Variants in PTPRD observed in about 807,000 individuals in gnomAD.
PTPRD encodes the protein receptor-type tyrosine-protein phosphatase delta.
PTPRD carries 34 observed loss-of-function variants against 214.5 expected under a neutral mutation model. The observed-to-expected ratio is 0.16, with a 90% CI of 0.12 to 0.21. The LOEUF is 0.21. Ranked by LOEUF, PTPRD falls within the 10% of genes least tolerant of loss-of-function variation. The pLI, the probability that PTPRD is intolerant of heterozygous loss-of-function variation, is 1.00. For missense variants in PTPRD, 2,545 were observed against 2,398.7 expected, an observed-to-expected ratio of 1.06 and a Z score of -1.27; for synonymous variants, 1,128 against 845.7, an observed-to-expected ratio of 1.33 and a Z score of -5.79.
intron 3 of PTPRD, among the ~76,000 whole-genome samples, chr9:10,170,627 C>A (rs1363641295): frequency 6.6e-6 from 1 of 152,102 alleles, no homozygotes; most frequent in Non-Finnish European, 1.5e-5. Context: ...GCGGAGCTTG[C>A]AGTGAGTCGA....
intron 5 of PTPRD, among the ~76,000 whole-genome samples, chr9:9,782,858 G>C (rs2098866118): frequency 6.6e-6 from 1 of 152,096 alleles, no homozygotes; most frequent in Non-Finnish European, 1.5e-5. Flanking sequence ...TTTTGTGATT[G>C]GATACATCTG....
intron 35 of PTPRD, among the ~76,000 whole-genome samples, chr9:8,423,527 A>G (rs746944057): frequency 4.6e-5 from 7 of 152,194 alleles, no homozygotes; most frequent in Non-Finnish European, 8.8e-5. Flanking sequence ...TTAAAGGTGA[A>G]TATTACTATG....
chr9:9,508,644 C>G (rs545168155), intron 8 of PTPRD, among the ~76,000 whole-genome samples: 1 of 151,704 alleles, frequency 6.6e-6, no homozygotes, highest in Admixed American at 6.6e-5. Flanking sequence ...GCTTCTTTCT[C>G]CACTACATTT....
intron 3 of PTPRD, among the ~76,000 whole-genome samples, chr9:10,079,205 A>C (rs1273179600): frequency 6.6e-6 from 1 of 151,974 alleles, no homozygotes; most frequent in East Asian, 1.9e-4. Context: ...TCCGAACTCC[A>C]TGTTTCCAGG....
intron 3 of PTPRD, among the ~76,000 whole-genome samples, chr9:10,164,160 T>G (rs2154291572): frequency 6.6e-6 from 1 of 151,582 alleles, no homozygotes; most frequent in East Asian, 1.9e-4. Flanking sequence ...TTTAATAACC[T>G]TGAGGGATTA....
chr9:10,137,542 G>A lies in PTPRD; in HGVS notation c.-544-103752C>T, dbSNP rs2098950602. 2.5e-5 allele frequency among the ~76,000 whole-genome samples: 2 copies of A among 81,618 alleles called. 1 individual carries two copies. The highest frequency in any genetic ancestry group is 1.1e-4 in the African/African-American group (2 of 18,838). 53.5% of individuals were successfully genotyped at this position (81,618 alleles called of 152,430 possible). A position where few individuals can be genotyped will look rare whatever the true frequency, so the allele number is the denominator to read the frequency against. On this transcript the variant is annotated intron_variant, in intron 3 of 45. Coordinates refer to ENST00000381196, the MANE Select transcript of PTPRD (RefSeq NM_002839.4). Reference sequence around the variant, plus strand: ...CAGGAAGGGGAATATCACACTCTGGGGACTGTGGTGGCGTCGGGGGAGGGG... The same window carrying A: ...CAGGAAGGGGAATATCACACTCTGGAGACTGTGGTGGCGTCGGGGGAGGGG...
intron 11 of PTPRD, chr9:8,962,329 C>G (rs1053269491): frequency 6.6e-6 from 1 of 152,126 alleles, no homozygotes; most frequent in Non-Finnish European, 1.5e-5. Context: ...ACAACCCTGA[C>G]AGAGAAAGCA....
At chr9:8,631,633 A>C (rs2096255187) in intron 14 of PTPRD, among the ~76,000 whole-genome samples, 1 of 151,800 alleles carries the variant, frequency 6.6e-6, no homozygotes, top group Non-Finnish European at 1.5e-5. Context: ...TGGAAATCTC[A>C]CTTGTATGCA....
intron 11 of PTPRD, among the ~76,000 whole-genome samples, chr9:8,836,456 T>G (rs984048765): frequency 7.9e-5 from 12 of 152,072 alleles, no homozygotes; most frequent in African/African-American, 2.9e-4. Context: ...ACTCGACAAC[T>G]GATTATATTC....
intron 39 of PTPRD, among the ~76,000 whole-genome samples, chr9:8,364,004 C>T: frequency 6.6e-6 from 1 of 152,168 alleles, no homozygotes; most frequent in South Asian, 2.1e-4. Flanking sequence ...GTTATCAAGG[C>T]AAAGGGTTTG....
intron 11 of PTPRD, among the ~76,000 whole-genome samples, chr9:8,895,554 A>T (rs2154246212): frequency 6.6e-6 from 1 of 152,298 alleles, no homozygotes; most frequent in East Asian, 1.9e-4. Flanking sequence ...CACTATGAAT[A>T]AATAAAATCG....
chr9:8,931,687 T>A (rs2154282412), intron 11 of PTPRD, among the ~76,000 whole-genome samples: 1 of 152,228 alleles, frequency 6.6e-6, no homozygotes, highest in South Asian at 2.1e-4. Flanking sequence ...ATGAAATGAG[T>A]TAGGGAGGAG....
At chr9:10,527,184 G>C (rs1453276174) in intron 2 of PTPRD, among the ~76,000 whole-genome samples, 1 of 152,078 alleles carries the variant, frequency 6.6e-6, no homozygotes, top group Non-Finnish European at 1.5e-5. Context: ...ATTGATTTCA[G>C]GCTTTGCCAT....
intron 3 of PTPRD, among the ~76,000 whole-genome samples, chr9:10,041,883 CAT>C (rs2097302422): frequency 6.6e-6 from 1 of 152,004 alleles, no homozygotes; most frequent in African/African-American, 2.4e-5. Context: ...CTAAATATAA[CAT>C]ATGATCTCAT....
intron 3 of PTPRD, among the ~76,000 whole-genome samples, chr9:10,141,185 T>G (rs1481274723): frequency 6.6e-6 from 1 of 152,060 alleles, no homozygotes; most frequent in Admixed American, 6.6e-5. Flanking sequence ...CTTTGAAAAC[T>G]GGCACAAGAC....
At chr9:8,852,416 C>T (rs1008536928) in intron 11 of PTPRD, among the ~76,000 whole-genome samples, 4 of 152,172 alleles carry the variant, frequency 2.6e-5, no homozygotes, top group Non-Finnish European at 5.9e-5. Flanking sequence ...CTTAGCCTTT[C>T]TGGTCAATGA....
At chr9:9,825,694 T>G (rs927346347) in intron 5 of PTPRD, among the ~76,000 whole-genome samples, 3 of 152,026 alleles carry the variant, frequency 2.0e-5, no homozygotes, top group African/African-American at 4.8e-5. Flanking sequence ...ACAGGTTTTC[T>G]GTGCCCTTAA....
intron 10 of PTPRD, among the ~76,000 whole-genome samples, chr9:9,053,218 T>C (rs532424702): frequency 2.6e-5 from 4 of 152,254 alleles, no homozygotes; most frequent in East Asian, 3.9e-4. Context: ...AACATAGTGG[T>C]TTACATTATG....
chr9:9,901,680 T>C (rs1479187655), intron 5 of PTPRD, among the ~76,000 whole-genome samples: 1 of 152,158 alleles, frequency 6.6e-6, no homozygotes, highest in Non-Finnish European at 1.5e-5. Flanking sequence ...AGTTCTCATA[T>C]TACTATAAAT....
Sources: gnomAD v4.1 joint callset for allele counts (sites outside exome capture counted in the v4.1 genomes callset) on GRCh38, gnomAD v4.1.1 for gene constraint, MANE v1.5 for transcripts, NCBI Gene and HGNC (gene_info 2026-07-23, HGNC 2026-07-21) for gene names.